The following AP1B1 variants were observed in gnomAD, a reference collection of about 807,000 sequenced individuals.
AP1B1 encodes adaptor related protein complex 1 subunit beta 1.
In AP1B1, 36 loss-of-function variants were observed where a neutral mutation model predicts 104.3. That is an observed-to-expected ratio of 0.35 (90% CI 0.26 to 0.46). The LOEUF is 0.46. Ranked by LOEUF, AP1B1 falls within the 20% of genes least tolerant of loss-of-function variation. The probability of loss-of-function intolerance (pLI) is 1.00; values close to 1 mark genes in which losing one functional copy is unlikely to be tolerated. For synonymous variants in AP1B1, 504 were observed against 517.5 expected (o/e 0.97, Z 0.35); for missense variants, 901 against 1,247.9 (o/e 0.72, Z 4.19).
intron 11 of AP1B1, among the ~76,000 whole-genome samples, chr22:29,342,824 G>T (rs1224638661): frequency 2.6e-5 from 4 of 152,198 alleles, no homozygotes; most frequent in Non-Finnish European, 4.4e-5. Context: ...TCAAGGACCT[G>T]TGCTTCTACC....
At chr22:29,354,338 G>A (rs754858485) in intron 7 of AP1B1, among the ~76,000 whole-genome samples, 3 of 152,164 alleles carry the variant, frequency 2.0e-5, no homozygotes, top group Non-Finnish European at 4.4e-5. Context: ...CCTCAGCACT[G>A]CTGACATTTC....
intron 3 of AP1B1, among the ~76,000 whole-genome samples, chr22:29,360,699 G>C (rs1182719860): frequency 6.6e-6 from 1 of 152,222 alleles, no homozygotes; most frequent in Non-Finnish European, 1.5e-5. Context: ...AACCTGCCTG[G>C]AGGAATCAGG....
intron 1 of AP1B1, among the ~76,000 whole-genome samples, chr22:29,384,596 G>A (rs1259159558): frequency 2.0e-5 from 3 of 152,082 alleles, no homozygotes; most frequent in South Asian, 2.1e-4. Context: ...GGCCAGGCAC[G>A]GTGGCTCAAA....
chr22:29,343,080 C>G (rs2061738249), intron 11 of AP1B1, among the ~76,000 whole-genome samples: 1 of 152,258 alleles, frequency 6.6e-6, no homozygotes, highest in South Asian at 2.1e-4. Context: ...TGTCGTGTCA[C>G]TAATTACTGC....
chr22:29,349,354 T>G lies in AP1B1; in HGVS notation c.1301A>C (p.Glu434Ala). The change falls in exon 11 of 23, where the codon GAG (glutamate) becomes GCG (alanine). Residue 434 changes from glutamate (E) to alanine (A), a missense_variant. This residue lies in a region of AP1B1 where 471 missense variants were observed against 696.7 expected (regional missense o/e 0.68). Coordinates refer to ENST00000357586, the MANE Select transcript of AP1B1 (RefSeq NM_001127.4). ...AGGCTCATCCAGGGAGTCCAGATTC[T>G]CACACAGTGTGGCAATCACACTCTC... is the stretch of plus-strand genomic sequence containing the variant. The part of the protein sequence containing the change: ...KYESVIATLC[E>A]NLDSLDEPEA... 1 of 1,613,956 alleles carries G rather than the reference T, an allele frequency of 6.2e-7. No individual in the cohort carries two copies. The highest frequency in any genetic ancestry group is 8.5e-7 in the Non-Finnish European group (1 of 1,179,998).
chr22:29,365,820 G>A (rs891505452), intron 2 of AP1B1, among the ~76,000 whole-genome samples: 3 of 150,208 alleles, frequency 2.0e-5, no homozygotes, highest in East Asian at 2.0e-4. Context: ...ATCCCCCATC[G>A]ATCTGGCCAG....
At chr22:29,347,314 T>A (rs576330318) in intron 11 of AP1B1, among the ~76,000 whole-genome samples, 22 of 152,208 alleles carry the variant, frequency 1.4e-4, no homozygotes, top group Admixed American at 5.9e-4. Flanking sequence ...TGAACGAGTG[T>A]TTATTATGGG....
intron 4 of AP1B1, 134 bp downstream of exon 4, chr22:29,359,690 T>A (rs946507642): frequency 1.7e-5 from 20 of 1,178,734 alleles, no homozygotes; most frequent in Middle Eastern, 2.2e-4. Flanking sequence ...GGAAGAGGCC[T>A]GCAGGCTGGG....
In AP1B1 at chr22:29,349,337, C is replaced by T; in HGVS notation, c.1318G>A (p.Asp440Asn). The T allele has an allele frequency of 6.2e-7, 1 of 1,614,056 alleles. No homozygotes were observed. The highest frequency in any genetic ancestry group is 8.5e-7 in the Non-Finnish European group (1 of 1,180,014). Residue 440 changes from aspartate to asparagine, a missense_variant, in exon 11 of 23, where the codon GAT becomes AAT. By Grantham distance (23) the Asp-to-Asn change is conservative (BLOSUM62 1). Coordinates refer to ENST00000357586, the MANE Select transcript of AP1B1 (RefSeq NM_001127.4). ...ATGGCAGCCCGGGCCTCAGGCTCATCCAGGGAGTCCAGATTCTCACACAGT... is the reference window on the plus strand; with the variant it reads ...ATGGCAGCCCGGGCCTCAGGCTCATTCAGGGAGTCCAGATTCTCACACAGT... Reference protein sequence around the residue: ...ATLCENLDSLDEPEARAAMIW... With the variant: ...ATLCENLDSLNEPEARAAMIW...
intron 1 of AP1B1, among the ~76,000 whole-genome samples, chr22:29,384,847 G>A (rs750363292): frequency 1.3e-5 from 2 of 151,538 alleles, no homozygotes; most frequent in Non-Finnish European, 2.9e-5. Flanking sequence ...CAGCATGGGC[G>A]AAAAAGCGAG....
chr22:29,332,840 C>T (rs2061582282), intron 17 of AP1B1, among the ~76,000 whole-genome samples: 1 of 152,210 alleles, frequency 6.6e-6, no homozygotes, highest in Non-Finnish European at 1.5e-5. Context: ...ACTAGGCTTT[C>T]CTGGGAGCTC....
chr22:29,356,386 T>C (rs754487911), intron 6 of AP1B1, 40 bp downstream of exon 6: 18 of 1,576,696 alleles, frequency 1.1e-5, no homozygotes, highest in Non-Finnish European at 1.6e-5. Context: ...AGGACCAGGG[T>C]CCTCAAGCTG....
At chr22:29,329,412 C>T in intron 22 of AP1B1, 1 of 1,292,752 alleles carries the variant, frequency 7.7e-7, no homozygotes, top group Non-Finnish European at 9.8e-7. Context: ...AGAGGAGCCC[C>T]CACCCATCCA....
At chr22:29,359,769 G>A in intron 4 of AP1B1, 55 bp downstream of exon 4, 1 of 1,570,828 alleles carries the variant, frequency 6.4e-7, no homozygotes, top group South Asian at 1.2e-5. Context: ...AGAGACTGAG[G>A]GGAGACAGAG....
rs560554598 is a variant in AP1B1, at chr22:29,341,765, T to G, written c.1537-5A>C. 356 of 1,601,746 alleles carry G rather than the reference T, an allele frequency of 2.2e-4. 4 individuals are homozygous for G. In the South Asian group the frequency reaches 3.6e-3, roughly 16 times the overall value. Reference sequence around the variant, plus strand: ...CAGGTCTGGGTTATCTGAGTCCTTGTGGGGGTGAGGAGAAGCCCATGAAAC... The same window carrying G: ...CAGGTCTGGGTTATCTGAGTCCTTGGGGGGGTGAGGAGAAGCCCATGAAAC... On this transcript the variant is annotated splice_polypyrimidine_tract_variant and splice_region_variant and intron_variant, in intron 12 of 22. Transcript: ENST00000357586.
chr22:29,385,302 T>C (rs1002822867), intron 1 of AP1B1, among the ~76,000 whole-genome samples: 3 of 152,122 alleles, frequency 2.0e-5, no homozygotes, highest in Non-Finnish European at 4.4e-5. Flanking sequence ...AGGAGGATCG[T>C]TCAAGCCCAG....
intron 17 of AP1B1, chr22:29,332,455 GCA>G (rs2061575458): frequency 6.6e-6 from 1 of 152,572 alleles, no homozygotes; most frequent in South Asian, 2.1e-4. Flanking sequence ...CTGCAAAGCA[GCA>G]CAGTGACAAA....
intron 19 of AP1B1, 119 bp downstream of exon 19, chr22:29,331,330 C>A: frequency 9.9e-7 from 1 of 1,014,142 alleles, no homozygotes; most frequent in South Asian, 1.4e-5. Context: ...AGCAGCAACT[C>A]CCCGACTCCA....
intron 1 of AP1B1, among the ~76,000 whole-genome samples, chr22:29,379,961 A>C (rs771942818): frequency 1.3e-5 from 2 of 152,214 alleles, no homozygotes; most frequent in Non-Finnish European, 2.9e-5. Flanking sequence ...TAAGGCCAAA[A>C]CAAGAAGTCT....
Sources: gnomAD v4.1 joint callset for allele counts (sites outside exome capture counted in the v4.1 genomes callset) on GRCh38, gnomAD v4.1.1 for gene constraint, gnomAD v4.1.1 regional missense constraint, MANE v1.5 for transcripts, NCBI Gene and HGNC (gene_info 2026-07-23, HGNC 2026-07-21) for gene names.